The following FAM168A variants were observed in gnomAD, a reference collection of about 807,000 sequenced individuals.
FAM168A encodes family with sequence similarity 168 member A.
In FAM168A, 3 loss-of-function variants were observed where a neutral mutation model predicts 28.5. The ratio of observed to expected loss-of-function variants is 0.11; its 90% confidence interval spans 0.05 to 0.27. The LOEUF is 0.27. FAM168A is among the 10% of genes least tolerant of loss of function. The pLI is 1.00. For missense variants in FAM168A, 222 were observed against 311.5 expected, an observed-to-expected ratio of 0.71 and a Z score of 2.16; for synonymous variants, 122 against 124.2, an observed-to-expected ratio of 0.98 and a Z score of 0.12.
At chr11:73,458,374 C>T (rs1435810766) in intron 2 of FAM168A, among the ~76,000 whole-genome samples, 1 of 152,088 alleles carries the variant, frequency 6.6e-6, no homozygotes, top group Non-Finnish European at 1.5e-5. Flanking sequence ...GTGGGTGCTT[C>T]GCATGTAAAT....
chr11:73,545,881 C>CA (rs1037732580), intron 1 of FAM168A, among the ~76,000 whole-genome samples: 20 of 151,644 alleles, frequency 1.3e-4, no homozygotes, highest in African/African-American at 4.6e-4. Flanking sequence ...ATATTCACAA[C>CA]AAAAAAACCC....
At chr11:73,427,030 G>A (rs114960497) in intron 3 of FAM168A, among the ~76,000 whole-genome samples, 264 of 151,398 alleles carry the variant, frequency 1.7e-3, no homozygotes, top group African/African-American at 6.2e-3. Context: ...TCACTCTGTC[G>A]GCCCAGGATG....
chr11:73,404,159 T>C lies in FAM168A; in HGVS notation c.*2604A>G, dbSNP rs1866460372. The C allele has an allele frequency of 1.3e-5, 2 of 152,382 alleles. No individual in the cohort carries two copies. Among genetic ancestry groups the C allele is most frequent in the South Asian group, 2.1e-4 (1 of 4,832 alleles). The allele number at this position is 152,382 out of a possible 1,614,324, so 9.4% of individuals were successfully genotyped here. On this transcript the variant is annotated 3_prime_UTR_variant, in exon 8 of 8. Coordinates refer to ENST00000356467, the MANE Select transcript of FAM168A (RefSeq NM_015159.3). The stretch of plus-strand genomic sequence containing the variant: ...TCCAGCTGTTAGTTTTACTTACTGG[T>C]GTTGAAAGAACAAAAGTTACAAGGT...
chr11:73,457,266 G>A (rs1485696048), intron 2 of FAM168A, among the ~76,000 whole-genome samples: 1 of 151,164 alleles, frequency 6.6e-6, no homozygotes, highest in African/African-American at 2.4e-5. Context: ...ATGTACACCT[G>A]TAGTTCCAGT....
At chr11:73,486,606 A>G (rs1361921976) in intron 1 of FAM168A, among the ~76,000 whole-genome samples, 2 of 152,226 alleles carry the variant, frequency 1.3e-5, no homozygotes, top group Non-Finnish European at 2.9e-5. Flanking sequence ...ACCATCATTT[A>G]TTAGCTTTTA....
At chr11:73,557,659 G>C (rs576789980) in intron 1 of FAM168A, among the ~76,000 whole-genome samples, 3 of 152,250 alleles carry the variant, frequency 2.0e-5, no homozygotes, top group East Asian at 1.9e-4. Context: ...AGAACTGGAA[G>C]AGCCAGTCCT....
intron 1 of FAM168A, chr11:73,580,378 A>G: frequency 1.6e-6 from 1 of 611,976 alleles, no homozygotes; most frequent in East Asian, 4.0e-5. Flanking sequence ...AGGCCAAAAA[A>G]GCCCCTGCAA....
chr11:73,597,458 T>A (rs1565313732), intron 1 of FAM168A, among the ~76,000 whole-genome samples: 3 of 151,568 alleles, frequency 2.0e-5, no homozygotes, highest in Non-Finnish European at 4.4e-5. Context: ...TAACCAACCC[T>A]GTACATGCCA....
At chr11:73,457,976 C>A (rs937043918) in intron 2 of FAM168A, among the ~76,000 whole-genome samples, 1 of 151,962 alleles carries the variant, frequency 6.6e-6, no homozygotes, top group African/African-American at 2.4e-5. Context: ...TTGGGGACTA[C>A]GTTTGTAAAG....
At chr11:73,597,691 C>G (rs372354723) in intron 1 of FAM168A, among the ~76,000 whole-genome samples, 2 of 151,444 alleles carry the variant, frequency 1.3e-5, no homozygotes, top group East Asian at 3.9e-4. Context: ...TATTCTCCAT[C>G]AAAAGTCCTC....
chr11:73,469,980 T>A (rs570438989), intron 1 of FAM168A, among the ~76,000 whole-genome samples: 41 of 152,262 alleles, frequency 2.7e-4, no homozygotes, highest in African/African-American at 9.1e-4. Context: ...GGGGTGATCT[T>A]GGCTCACTGC....
chr11:73,527,289 C>T (rs1048126193), intron 1 of FAM168A, among the ~76,000 whole-genome samples: 21 of 152,276 alleles, frequency 1.4e-4, no homozygotes, highest in African/African-American at 4.6e-4. Context: ...CCACATAAAA[C>T]TGCCCCTAAA....
At chr11:73,455,348 G>A (rs1264113555) in intron 2 of FAM168A, among the ~76,000 whole-genome samples, 1 of 152,252 alleles carries the variant, frequency 6.6e-6, no homozygotes, top group Admixed American at 6.5e-5. Flanking sequence ...ACAAGGGGTA[G>A]ACAAGGGTGG....
At chr11:73,464,046 G>A (rs773601635) in intron 2 of FAM168A, among the ~76,000 whole-genome samples, 9 of 152,064 alleles carry the variant, frequency 5.9e-5, no homozygotes, top group East Asian at 1.9e-4. Flanking sequence ...TCACTGTACC[G>A]TCCAAGACAT....
chr11:73,501,839 A>T (rs1348201270), intron 1 of FAM168A, among the ~76,000 whole-genome samples: 3 of 152,094 alleles, frequency 2.0e-5, no homozygotes, highest in Admixed American at 2.0e-4. Context: ...CGGTGGCTCA[A>T]GCCTGTAATC....
At chr11:73,545,027 A>ATAATATATATTATAT (rs57233496) in intron 1 of FAM168A, among the ~76,000 whole-genome samples, 1 of 77,468 alleles carries the variant, frequency 1.3e-5, no homozygotes, top group Non-Finnish European at 2.1e-5. Context: ...TAGTATATAT[A>ATAATATATATTATAT]ATATATATAT....
At chr11:73,596,427 A>T (rs1176761424) in intron 1 of FAM168A, among the ~76,000 whole-genome samples, 1 of 151,580 alleles carries the variant, frequency 6.6e-6, no homozygotes, top group Non-Finnish European at 1.5e-5. Context: ...AACAGAAGAC[A>T]CCCTCCCCTC....
intron 3 of FAM168A, among the ~76,000 whole-genome samples, chr11:73,424,434 G>T (rs772975490): frequency 2.0e-5 from 3 of 152,024 alleles, no homozygotes; most frequent in Non-Finnish European, 4.4e-5. Flanking sequence ...GTGGTGCCTT[G>T]GGCCTGGAGT....
chr11:73,560,609 A>G (rs1302901867), intron 1 of FAM168A, among the ~76,000 whole-genome samples: 1 of 152,218 alleles, frequency 6.6e-6, no homozygotes, highest in African/African-American at 2.4e-5. Context: ...ACTCAGAAAA[A>G]CTGAAAGAGG....
Sources: gnomAD v4.1 joint callset for allele counts (sites outside exome capture counted in the v4.1 genomes callset) on GRCh38, gnomAD v4.1.1 for gene constraint, MANE v1.5 for transcripts, NCBI Gene and HGNC (gene_info 2026-07-23, HGNC 2026-07-21) for gene names.